Variants in NBEA observed in about 807,000 individuals in gnomAD.
NBEA encodes the protein lysosomal-trafficking regulator 2.
NBEA carries 44 observed loss-of-function variants against 343.4 expected under a neutral mutation model. That is an observed-to-expected ratio of 0.13 (90% CI 0.10 to 0.16). The LOEUF (loss-of-function observed/expected upper bound fraction) is 0.16. Ranked by LOEUF, NBEA falls within the 10% of genes least tolerant of loss-of-function variation. The pLI, the probability that NBEA is intolerant of heterozygous loss-of-function variation, is 1.00. For missense variants in NBEA, 2,555 were observed against 3,631.3 expected, an observed-to-expected ratio of 0.70 and a Z score of 7.62; for synonymous variants, 1,175 against 1,238.7, an observed-to-expected ratio of 0.95 and a Z score of 1.08.
intron 44 of NBEA, among the ~76,000 whole-genome samples, chr13:35,558,232 G>A (rs531391527): frequency 2.6e-5 from 4 of 152,060 alleles, no homozygotes; most frequent in Non-Finnish European, 5.9e-5. Context: ...GGAAGCAGAC[G>A]TATACCAGTA....
rs571090634 is a variant in NBEA at position 35,202,707 on chromosome 13, T to C, written c.5367-5993T>C. ...AGCATCTGTATGCTGATGACTCTTA[T>C]ATTTATATCTTAGTTTGAACCTCTT... On this transcript the variant is annotated intron_variant, in intron 31 of 58. Transcript: ENST00000379939. Among the ~76,000 whole-genome samples the C allele has an allele frequency of 1.1e-4, 17 of 152,278 alleles. No homozygotes were observed. The South Asian group carries it at 2.3e-3, about 20-fold the overall frequency.
At chr13:35,124,942 A>C (rs563808471) in intron 17 of NBEA, among the ~76,000 whole-genome samples, 1 of 152,214 alleles carries the variant, frequency 6.6e-6, no homozygotes, top group African/African-American at 2.4e-5. Flanking sequence ...ACTTCAGTTA[A>C]TTAAAATAAA....
intron 4 of NBEA, among the ~76,000 whole-genome samples, chr13:35,045,643 T>A (rs1381437823): frequency 1.3e-5 from 2 of 152,342 alleles, no homozygotes; most frequent in East Asian, 3.9e-4. Context: ...TGATTTACTT[T>A]GTATTCCTAT....
intron 11 of NBEA, among the ~76,000 whole-genome samples, chr13:35,106,446 C>T (rs1271177631): frequency 2.6e-5 from 4 of 151,470 alleles, no homozygotes; most frequent in Non-Finnish European, 3.0e-5. Flanking sequence ...TAAACATTTC[C>T]TGAGAAATTA....
At position 35,110,055 on chromosome 13, in the gene NBEA, TG is replaced by T. The variant is rs1213960901; in HGVS notation, c.1833+614del. Among the ~76,000 whole-genome samples the T allele has an allele frequency of 1.0e-2, 1,180 of 118,168 alleles. 21 individuals are homozygous for T. The highest frequency in any genetic ancestry group is 0.035 in the African/African-American group (1,102 of 31,126). 77.5% of individuals were successfully genotyped at this position (118,168 alleles called of 152,430 possible). ...ACTCTTTTTTTTTTTTTTTTTTAAA[TG>T]TTTTTTTTTTTTATTATACTCTAAG... On this transcript the variant is annotated intron_variant, in intron 12 of 58. Transcript: ENST00000379939.
chr13:35,163,629 A>G (rs1001314284), intron 23 of NBEA, among the ~76,000 whole-genome samples: 2 of 152,042 alleles, frequency 1.3e-5, no homozygotes, highest in South Asian at 2.1e-4. Flanking sequence ...AAAAAAAAAA[A>G]AAAATTATAT....
At chr13:35,051,592 A>G (rs1452220309) in intron 6 of NBEA, among the ~76,000 whole-genome samples, 1 of 152,016 alleles carries the variant, frequency 6.6e-6, no homozygotes, top group Non-Finnish European at 1.5e-5. Context: ...TTTAAAAAGC[A>G]ATGATTCTGA....
intron 48 of NBEA, among the ~76,000 whole-genome samples, chr13:35,619,914 C>CT (rs2082905025): frequency 6.6e-6 from 1 of 152,132 alleles, no homozygotes; most frequent in Non-Finnish European, 1.5e-5. Flanking sequence ...GGATCCTACT[C>CT]TAAGTGAAGT....
chr13:35,213,896 T>G (rs2073923455), intron 33 of NBEA, among the ~76,000 whole-genome samples: 1 of 151,958 alleles, frequency 6.6e-6, no homozygotes, highest in Non-Finnish European at 1.5e-5. Flanking sequence ...GTGCCCTGTT[T>G]GTTATTCACT....
intron 1 of NBEA, among the ~76,000 whole-genome samples, chr13:34,969,763 T>C (rs1313361809): frequency 6.6e-6 from 1 of 151,514 alleles, no homozygotes; most frequent in Non-Finnish European, 1.5e-5. Flanking sequence ...ATGCTGTATA[T>C]ATACCACGTT....
At chr13:35,413,138 AT>A (rs138223968) in intron 38 of NBEA, among the ~76,000 whole-genome samples, 4,515 of 152,244 alleles carry the variant, frequency 0.03, 103 homozygotes, top group Non-Finnish European at 0.045. Flanking sequence ...CTCACATTTT[AT>A]TAGCTGGAGG....
At chr13:35,087,968 G>A (rs1200600938) in intron 10 of NBEA, among the ~76,000 whole-genome samples, 2 of 151,760 alleles carry the variant, frequency 1.3e-5, no homozygotes, top group Non-Finnish European at 2.9e-5. Context: ...GGGTTGGTAC[G>A]GGGCACCAAT....
At chr13:35,116,261 A>C (rs751888108) in intron 13 of NBEA, among the ~76,000 whole-genome samples, 1 of 152,224 alleles carries the variant, frequency 6.6e-6, no homozygotes, top group Non-Finnish European at 1.5e-5. Flanking sequence ...CTTTACCAGC[A>C]TACCAATGGT....
rs148667843 is a variant in NBEA at position 35,622,996 on chromosome 13, T to G, written c.7450-5085T>G. 1.6e-3 allele frequency among the ~76,000 whole-genome samples: 248 copies of G among 152,266 alleles called. 2 individuals carry two copies. The highest frequency in any genetic ancestry group is 5.6e-3 in the African/African-American group (234 of 41,562). ...AGGGAAATATTATCCATCTAAGAGA[T>G]ATCCTCTCTAGTTTAAATATCACTC... On this transcript the variant is annotated intron_variant, in intron 48 of 58. Coordinates refer to ENST00000379939, the MANE Select transcript of NBEA (RefSeq NM_001385012.1).
At chr13:35,349,977 G>A (rs2040097537) in intron 37 of NBEA, among the ~76,000 whole-genome samples, 1 of 152,054 alleles carries the variant, frequency 6.6e-6, no homozygotes, top group Non-Finnish European at 1.5e-5. Flanking sequence ...AGAGGCACAA[G>A]ACAAGCAGCC....
intron 10 of NBEA, among the ~76,000 whole-genome samples, chr13:35,080,994 A>G (rs1175542381): frequency 1.3e-5 from 2 of 152,168 alleles, no homozygotes; most frequent in Non-Finnish European, 2.9e-5. Context: ...CATCATCCCA[A>G]GTTTATCAGT....
At chr13:35,434,721 A>C (rs892926285) in intron 39 of NBEA, among the ~76,000 whole-genome samples, 1 of 152,238 alleles carries the variant, frequency 6.6e-6, no homozygotes, top group African/African-American at 2.4e-5. Flanking sequence ...CTCTCCCTGG[A>C]GTGATCTATA....
At chr13:35,504,701 T>C (rs2077008854) in intron 41 of NBEA, among the ~76,000 whole-genome samples, 1 of 152,142 alleles carries the variant, frequency 6.6e-6, no homozygotes, top group Non-Finnish European at 1.5e-5. Flanking sequence ...GGCACAATTA[T>C]GGCTCACTGT....
chr13:35,345,746 G>A (rs993411756), intron 36 of NBEA, among the ~76,000 whole-genome samples: 1 of 151,966 alleles, frequency 6.6e-6, no homozygotes, highest in Non-Finnish European at 1.5e-5. Context: ...AAAAGGAAGT[G>A]AATTATTAAG....
Sources: gnomAD v4.1 joint callset for allele counts (sites outside exome capture counted in the v4.1 genomes callset) on GRCh38, gnomAD v4.1.1 for gene constraint, MANE v1.5 for transcripts, NCBI Gene and HGNC (gene_info 2026-07-23, HGNC 2026-07-21) for gene names.